Variants in FER observed in about 807,000 individuals in gnomAD.
The protein encoded by FER is tyrosine-protein kinase Fer.
In FER, 63 loss-of-function variants were observed where a neutral mutation model predicts 111.0. The observed-to-expected ratio is 0.57, with a 90% CI of 0.46 to 0.70. The LOEUF (loss-of-function observed/expected upper bound fraction) is 0.70. FER is among the 30% of genes least tolerant of loss of function. The pLI is 0.00. For synonymous variants in FER, 327 were observed against 313.9 expected (o/e 1.04, Z -0.44); for missense variants, 914 against 954.0 (o/e 0.96, Z 0.55).
chr5:108,794,535 C>A (rs551002322), intron 2 of FER, among the ~76,000 whole-genome samples: 9 of 139,126 alleles, frequency 6.5e-5, no homozygotes, highest in Non-Finnish European at 1.3e-4. Flanking sequence ...CACCCCCCCC[C>A]CTCCCCGCAC....
In FER at chr5:109,042,867, G is replaced by A. The variant is rs536658764; in HGVS notation, c.1714-1813G>A. ...GTTCAGAGTACATGTAACAGTTGGGGGTTATAATGTGGAGCTATATAGAGG... is the reference window on the plus strand; with the variant it reads ...GTTCAGAGTACATGTAACAGTTGGGAGTTATAATGTGGAGCTATATAGAGG... On this transcript the variant is annotated intron_variant, in intron 14 of 19. Coordinates refer to ENST00000281092, the MANE Select transcript of FER (RefSeq NM_005246.4). Among the ~76,000 whole-genome samples the A allele has an allele frequency of 1.2e-4, 18 of 152,206 alleles. No individual in the cohort carries two copies. The South Asian group carries it at 3.7e-3, about 32-fold the overall frequency.
At chr5:108,876,814 T>A (rs1387111795) in intron 8 of FER, among the ~76,000 whole-genome samples, 1 of 152,214 alleles carries the variant, frequency 6.6e-6, no homozygotes, top group Non-Finnish European at 1.5e-5. Flanking sequence ...TTATAAACAC[T>A]AACTTTGAAC....
At chr5:109,016,808 T>A (rs1275304470) in intron 13 of FER, among the ~76,000 whole-genome samples, 1 of 152,072 alleles carries the variant, frequency 6.6e-6, no homozygotes, top group East Asian at 1.9e-4. Context: ...GATTCATATG[T>A]TGAACCACCA....
intron 5 of FER, among the ~76,000 whole-genome samples, chr5:108,860,275 A>G (rs144934361): frequency 1.4e-4 from 22 of 152,066 alleles, no homozygotes; most frequent in African/African-American, 4.8e-4. Flanking sequence ...TTATAGGAGC[A>G]TATAAACACA....
chr5:108,987,816 A>G (rs1762743987), intron 13 of FER, among the ~76,000 whole-genome samples: 1 of 151,860 alleles, frequency 6.6e-6, no homozygotes, highest in South Asian at 2.1e-4. Context: ...TCTGGCTAGG[A>G]CTTCCAGTAC....
intron 17 of FER, among the ~76,000 whole-genome samples, chr5:109,149,006 A>G (rs889878886): frequency 6.6e-6 from 1 of 152,178 alleles, no homozygotes; most frequent in Non-Finnish European, 1.5e-5. Context: ...ATTGCTAGCA[A>G]TTGTCACATA....
intron 14 of FER, among the ~76,000 whole-genome samples, chr5:109,041,869 T>C (rs1020007709): frequency 2.6e-5 from 4 of 152,126 alleles, no homozygotes; most frequent in African/African-American, 9.7e-5. Context: ...AAGTAGGTAA[T>C]AGAACACTGT....
chr5:109,004,884 A>G (rs1480370094), intron 13 of FER, among the ~76,000 whole-genome samples: 1 of 152,078 alleles, frequency 6.6e-6, no homozygotes, highest in Non-Finnish European at 1.5e-5. Context: ...TAAGTATCAT[A>G]TTACCAAATG....
At chr5:108,841,760 G>T in intron 5 of FER, 1 of 326,374 alleles carries the variant, frequency 3.1e-6, no homozygotes, top group South Asian at 2.6e-5. Flanking sequence ...AGAGCCAAGT[G>T]GGAGGTCTTT....
At chr5:109,030,535 G>T (rs1474894591) in intron 13 of FER, among the ~76,000 whole-genome samples, 1 of 151,940 alleles carries the variant, frequency 6.6e-6, no homozygotes, top group Non-Finnish European at 1.5e-5. Context: ...AGCTTTTTTG[G>T]TGTTATTTTG....
At chr5:108,814,142 C>T (rs767594248) in intron 3 of FER, among the ~76,000 whole-genome samples, 32 of 152,128 alleles carry the variant, frequency 2.1e-4, no homozygotes, top group Non-Finnish European at 4.0e-4. Flanking sequence ...TACACAGTCA[C>T]TTATTTCATT....
intron 16 of FER, among the ~76,000 whole-genome samples, chr5:109,047,981 A>T (rs997255443): frequency 5.9e-5 from 9 of 152,282 alleles, no homozygotes; most frequent in African/African-American, 2.2e-4. Context: ...GTTGTAGAAG[A>T]TACATTCAGA....
chr5:109,146,703 A>G (rs1392532177), intron 17 of FER, among the ~76,000 whole-genome samples: 1 of 152,090 alleles, frequency 6.6e-6, no homozygotes, highest in Non-Finnish European at 1.5e-5. Flanking sequence ...AAAGTGACAC[A>G]TCGATTTGAA....
chr5:108,985,100 A>G (rs1290409430), intron 13 of FER, among the ~76,000 whole-genome samples: 1 of 152,132 alleles, frequency 6.6e-6, no homozygotes, highest in Non-Finnish European at 1.5e-5. Context: ...TAACTCATAA[A>G]AATAGGGAGA....
chr5:109,100,664 A>G (rs1408676747), intron 17 of FER, 145 bp downstream of exon 17: 4 of 790,872 alleles, frequency 5.1e-6, no homozygotes, highest in Non-Finnish European at 7.8e-6. Flanking sequence ...GTCCTCTGCT[A>G]GTTGTTTATA....
At chr5:108,887,555 C>T (rs1747370168) in intron 9 of FER, among the ~76,000 whole-genome samples, 1 of 151,366 alleles carries the variant, frequency 6.6e-6, no homozygotes, top group African/African-American at 2.4e-5. Flanking sequence ...TAAAACCAAC[C>T]ATTTGAAATT....
At chr5:109,057,719 T>C (rs1773827052) in intron 16 of FER, among the ~76,000 whole-genome samples, 1 of 152,232 alleles carries the variant, frequency 6.6e-6, no homozygotes, top group African/African-American at 2.4e-5. Context: ...CTTTTAAGAA[T>C]TGAATTTCTC....
At chr5:108,905,344 A>G (rs1750603894) in intron 10 of FER, among the ~76,000 whole-genome samples, 1 of 152,180 alleles carries the variant, frequency 6.6e-6, no homozygotes. Context: ...AACTATATGT[A>G]TATATTTCAA....
chr5:109,184,880 G>A (rs1023260113), intron 18 of FER, among the ~76,000 whole-genome samples: 5 of 152,078 alleles, frequency 3.3e-5, no homozygotes, highest in East Asian at 3.9e-4. Context: ...AGGCCATCCT[G>A]TTTTAAAGTA....
Sources: gnomAD v4.1 joint callset for allele counts (sites outside exome capture counted in the v4.1 genomes callset) on GRCh38, gnomAD v4.1.1 for gene constraint, MANE v1.5 for transcripts, NCBI Gene and HGNC (gene_info 2026-07-23, HGNC 2026-07-21) for gene names.